Variants in DERA observed in about 807,000 individuals in gnomAD.
The protein encoded by DERA is deoxyribose-phosphate aldolase.
Under a neutral mutation model 41.1 loss-of-function variants are expected in DERA, and 15 were observed. The observed-to-expected ratio is 0.37, with a 90% CI of 0.24 to 0.56. The LOEUF (loss-of-function observed/expected upper bound fraction) is 0.56. Among genes scored for constraint, DERA ranks in the 20% least tolerant of loss-of-function variants. The probability of loss-of-function intolerance (pLI) is 0.81; values close to 1 mark genes in which losing one functional copy is unlikely to be tolerated. For synonymous variants in DERA, 139 were observed against 137.4 expected, an observed-to-expected ratio of 1.01 and a Z score of -0.08; for missense variants, 396 against 403.4, an observed-to-expected ratio of 0.98 and a Z score of 0.16.
chr12:15,936,881 TTGTCTTGTCCTGTCC>T lies in DERA; in HGVS notation c.32-20050_32-20036del, dbSNP rs1337040513. 7.6e-6 allele frequency among the ~76,000 whole-genome samples: 1 copy of T among 131,282 alleles called. No individual in the cohort carries two copies. The highest frequency in any genetic ancestry group is 3.9e-5 in the African/African-American group (1 of 25,462). The allele number at this position is 131,282 out of a possible 152,430, so 86.1% of individuals were successfully genotyped here. ...TTGTCTTGTCTTGTCTTGTCTTGTC[TTGTCTTGTCCTGTCC>T]TGTCCTGTCCTGTCCTGTCCTGTCC... On this transcript the variant is annotated intron_variant, in intron 1 of 8. Coordinates refer to ENST00000428559, the MANE Select transcript of DERA (RefSeq NM_015954.4). This position sits in a 1 kb window ranked among gnomAD's most constrained non-coding sequence, Gnocchi z 4.6.
intron 6 of DERA, among the ~76,000 whole-genome samples, chr12:16,018,681 C>T (rs1369464817): frequency 6.6e-6 from 1 of 152,112 alleles, no homozygotes; most frequent in Non-Finnish European, 1.5e-5. Flanking sequence ...TTTAATGAAA[C>T]TGTACCATGG....
Position 15,945,703 on chromosome 12 carries a change from T to C in DERA, c.32-11233T>C, listed in dbSNP as rs1422137712. Among the ~76,000 whole-genome samples, 3 of 152,192 alleles carry C rather than the reference T, an allele frequency of 2.0e-5. No homozygotes were observed. The East Asian group carries it at 5.8e-4, about 29-fold the overall frequency. On this transcript the variant is annotated intron_variant, in intron 1 of 8. Coordinates refer to ENST00000428559, the MANE Select transcript of DERA (RefSeq NM_015954.4). ...ACAATTTGACTTCCTCTTTTTCTAA[T>C]TGAATACCCTTTATTTCTTTCTCCT...
At position 15,989,617 on chromosome 12, in the gene DERA, G is replaced by A. The variant is rs1948788154; in HGVS notation, c.637+7181G>A. Among the ~76,000 whole-genome samples, 1 of 152,176 alleles carries A rather than the reference G, an allele frequency of 6.6e-6. No homozygotes were observed. Among genetic ancestry groups the A allele is most frequent in the Non-Finnish European group, 1.5e-5 (1 of 68,026 alleles). ...TTTATAGCAGGAGGGCGAGTCTGGT[G>A]ACATTCTGTTATGTCTGTTATTCTT... On this transcript the variant is annotated intron_variant, in intron 6 of 8. Transcript: ENST00000428559. The surrounding 1 kb of genome is among the most constrained non-coding windows in gnomAD (Gnocchi z 5.2).
intron 1 of DERA, among the ~76,000 whole-genome samples, chr12:15,925,060 G>A (rs1368122527): frequency 6.6e-6 from 1 of 152,126 alleles, no homozygotes; most frequent in Non-Finnish European, 1.5e-5. Context: ...TTACTGCCTG[G>A]TGTACCAAGC....
intron 5 of DERA, among the ~76,000 whole-genome samples, chr12:15,971,552 T>C (rs1204405186): frequency 7.1e-6 from 1 of 141,128 alleles, no homozygotes; most frequent in Non-Finnish European, 1.5e-5. Flanking sequence ...GTTTCATTCT[T>C]GTTGCCCAGG....
At position 16,017,644 on chromosome 12, in the gene DERA, CA is replaced by C. The variant is rs1948991721; in HGVS notation, c.638-14894del. On this transcript the variant is annotated intron_variant, in intron 6 of 8. Coordinates refer to ENST00000428559, the MANE Select transcript of DERA (RefSeq NM_015954.4). The surrounding 1 kb of genome is among the most constrained non-coding windows in gnomAD (Gnocchi z 5.5). ...AAGTGATTTCCAAACCTATGTTGAA[CA>C]AAAGAATACAATATTGAAGACTTTT... Among the ~76,000 whole-genome samples, 1 of 152,148 alleles carries C rather than the reference CA, an allele frequency of 6.6e-6. No homozygotes were observed. The highest frequency in any genetic ancestry group is 1.5e-5 in the Non-Finnish European group (1 of 68,022).
At chr12:15,963,336 A>T (rs1247277783) in intron 5 of DERA, among the ~76,000 whole-genome samples, 1 of 152,200 alleles carries the variant, frequency 6.6e-6, no homozygotes, top group African/African-American at 2.4e-5. Context: ...GTTTATTTGA[A>T]TATATTGGAG....
rs1948370022 is a variant in DERA at position 15,936,901 on chromosome 12, C to CCG, written c.32-20035_32-20034insCG. Among the ~76,000 whole-genome samples, 2 of 142,230 alleles carry CCG rather than the reference C, an allele frequency of 1.4e-5. No individual in the cohort carries two copies. The highest frequency in any genetic ancestry group is 5.8e-5 in the African/African-American group (2 of 34,512). The allele number at this position is 142,230 out of a possible 152,430, so 93.3% of individuals were successfully genotyped here. A position where few individuals can be genotyped will look rare whatever the true frequency, so the allele number is the denominator to read the frequency against. On this transcript the variant is annotated intron_variant, in intron 1 of 8. Transcript: ENST00000428559. The surrounding 1 kb of genome is among the most constrained non-coding windows in gnomAD (Gnocchi z 4.6). ...TTGTCTTGTCTTGTCCTGTCCTGTC[C>CCG]TGTCCTGTCCTGTCCTGTCCTGTCC...
chr12:15,943,123 G>A lies in DERA; in HGVS notation c.32-13813G>A, dbSNP rs1335393931. Among the ~76,000 whole-genome samples the A allele has an allele frequency of 6.6e-6, 1 of 152,228 alleles. No homozygotes were observed. The highest frequency in any genetic ancestry group is 2.4e-5 in the African/African-American group (1 of 41,448). On this transcript the variant is annotated intron_variant, in intron 1 of 8. Coordinates refer to ENST00000428559, the MANE Select transcript of DERA (RefSeq NM_015954.4). This position sits in a 1 kb window ranked among gnomAD's most constrained non-coding sequence, Gnocchi z 4.5. ...CTCTTCCACACACTTACCTGAGGCT[G>A]TTTATGGGTAGTGAGCAGAGGAAGC...
rs1316421258 is a variant in DERA at position 16,020,460 on chromosome 12, A to T, written c.638-12082A>T. ...ACATGAGATTTGGGCAGAGACACAGACCTAAACCATATCACTCAGCCTCAG... is the reference window on the plus strand; with the variant it reads ...ACATGAGATTTGGGCAGAGACACAGTCCTAAACCATATCACTCAGCCTCAG... On this transcript the variant is annotated intron_variant, in intron 6 of 8. Coordinates refer to ENST00000428559, the MANE Select transcript of DERA (RefSeq NM_015954.4). The surrounding 1 kb of genome is among the most constrained non-coding windows in gnomAD (Gnocchi z 5.5). Among the ~76,000 whole-genome samples the T allele has an allele frequency of 6.6e-6, 1 of 152,188 alleles. No homozygotes were observed. The highest frequency in any genetic ancestry group is 6.5e-5 in the Admixed American group (1 of 15,280).
intron 6 of DERA, among the ~76,000 whole-genome samples, chr12:16,015,242 T>C (rs1948973261): frequency 6.6e-6 from 1 of 152,182 alleles, no homozygotes; most frequent in Admixed American, 6.5e-5. Context: ...AGGGGCAGAA[T>C]GATAGGGTTA....
rs575872391 is a variant in DERA, at chr12:16,003,208, T to C, written c.637+20772T>C. On this transcript the variant is annotated intron_variant, in intron 6 of 8. Transcript: ENST00000428559. The surrounding 1 kb of genome is among the most constrained non-coding windows in gnomAD (Gnocchi z 4.8). ...CTCACCCTGGTCTCTGCCTTTGTGA[T>C]GATATGGTGTTCTTCATGTTGTATG... Among the ~76,000 whole-genome samples, 4 of 152,312 alleles carry C rather than the reference T, an allele frequency of 2.6e-5. 1 individual carries two copies. In the South Asian group the frequency reaches 8.3e-4, roughly 32 times the overall value.
In DERA at chr12:16,036,291, T is replaced by C; in HGVS notation, c.810T>C (p.Ser270=). ...CAAAGGATTCCCTTGCTTGGCTCTC[T>C]CTTGTAAAGGAGGAGCTTGGAGATG... ...RSAKDSLAWL[S]LVKEELGDEW... is the part of the protein sequence containing the mutation. The change falls in exon 8 of 9, where the codon TCT becomes TCC. Residue 270 remains serine (S), a synonymous_variant. Coordinates refer to ENST00000428559, the MANE Select transcript of DERA (RefSeq NM_015954.4). This position sits in a 1 kb window ranked among gnomAD's most constrained non-coding sequence, Gnocchi z 4.9. 6.2e-7 allele frequency: 1 copy of C among 1,613,782 alleles called. No homozygotes were observed. The highest frequency in any genetic ancestry group is 1.7e-4 in the Middle Eastern group (1 of 6,060).
chr12:16,031,014 C>T (rs1949088935), intron 6 of DERA, among the ~76,000 whole-genome samples: 1 of 152,232 alleles, frequency 6.6e-6, no homozygotes, highest in Non-Finnish European at 1.5e-5. Flanking sequence ...CTTCATTTCT[C>T]TTTGTATAAT....
Position 16,011,818 on chromosome 12 carries a change from C to G in DERA, c.638-20724C>G, listed in dbSNP as rs1948948368. On this transcript the variant is annotated intron_variant, in intron 6 of 8. Coordinates refer to ENST00000428559, the MANE Select transcript of DERA (RefSeq NM_015954.4). The surrounding 1 kb of genome is among the most constrained non-coding windows in gnomAD (Gnocchi z 4.7). ...AAAATACCTTAATATTTTGTTCAAA[C>G]TATTATACCTATATAATAATAATGC... Among the ~76,000 whole-genome samples, 1 of 152,142 alleles carries G rather than the reference C, an allele frequency of 6.6e-6. No individual in the cohort carries two copies. Among genetic ancestry groups the G allele is most frequent in the African/African-American group, 2.4e-5 (1 of 41,446 alleles).
chr12:16,028,221 C>T (rs552102751), intron 6 of DERA, among the ~76,000 whole-genome samples: 37 of 152,254 alleles, frequency 2.4e-4, no homozygotes, highest in African/African-American at 8.7e-4. Context: ...CCCTGAGCAT[C>T]TTCTAGTCTC....
rs1428988001 is a variant in DERA, at chr12:15,972,568, AATTTTC to A, written c.508+9622_508+9627del. The A allele has an allele frequency of 6.0e-6, 1 of 167,904 alleles. No individual in the cohort carries two copies. The highest frequency in any genetic ancestry group is 2.4e-5 in the African/African-American group (1 of 42,212). 10.4% of individuals were successfully genotyped at this position (167,904 alleles called of 1,614,324 possible). ...GACAGCGCATGATGTACTCTAGGGAAATTTTCTCCAATTCCTGCCTCATGATGTGTC... is the reference window on the plus strand; with the variant it reads ...GACAGCGCATGATGTACTCTAGGGAATCCAATTCCTGCCTCATGATGTGTC... On this transcript the variant is annotated intron_variant, in intron 5 of 8. Coordinates refer to ENST00000428559, the MANE Select transcript of DERA (RefSeq NM_015954.4). This position sits in a 1 kb window ranked among gnomAD's most constrained non-coding sequence, Gnocchi z 4.4.
Position 15,967,355 on chromosome 12 carries a change from G to A in DERA, c.508+4408G>A, listed in dbSNP as rs1948629907. Among the ~76,000 whole-genome samples the A allele has an allele frequency of 6.6e-6, 1 of 152,056 alleles. No individual in the cohort carries two copies. Among genetic ancestry groups the A allele is most frequent in the Non-Finnish European group, 1.5e-5 (1 of 68,028 alleles). ...CATGATTGTGCCACTGCACTCATAA[G>A]CCACTGCGCCTGGCCTAATAGATTT... On this transcript the variant is annotated intron_variant, in intron 5 of 8. Coordinates refer to ENST00000428559, the MANE Select transcript of DERA (RefSeq NM_015954.4). This position sits in a 1 kb window ranked among gnomAD's most constrained non-coding sequence, Gnocchi z 4.9.
At chr12:16,002,981 T>A (rs931420994) in intron 6 of DERA, among the ~76,000 whole-genome samples, 2 of 152,234 alleles carry the variant, frequency 1.3e-5, no homozygotes, top group African/African-American at 4.8e-5. Context: ...CCACTCCTTA[T>A]GCTCCTAACC....
Sources: gnomAD v4.1 joint callset for allele counts (sites outside exome capture counted in the v4.1 genomes callset) on GRCh38, gnomAD v4.1.1 for gene constraint, Gnocchi (gnomAD v3.1) non-coding constraint, MANE v1.5 for transcripts, NCBI Gene and HGNC (gene_info 2026-07-23, HGNC 2026-07-21) for gene names.